Variants in CELF2 observed in about 807,000 individuals in gnomAD.
The protein encoded by CELF2 is CUG triplet repeat RNA-binding protein 2.
Under a neutral mutation model 62.6 loss-of-function variants are expected in CELF2, and 8 were observed. The observed-to-expected ratio is 0.13, with a 90% CI of 0.07 to 0.23. The LOEUF (loss-of-function observed/expected upper bound fraction) is 0.23. Among genes scored for constraint, CELF2 ranks in the 10% least tolerant of loss-of-function variants. The probability of loss-of-function intolerance (pLI) is 1.00; values close to 1 mark genes in which losing one functional copy is unlikely to be tolerated. For synonymous variants in CELF2, 258 were observed against 250.0 expected (o/e 1.03, Z -0.30); for missense variants, 333 against 671.0 (o/e 0.50, Z 5.56).
At chr10:11,186,087 C>T (rs1164056302) in intron 2 of CELF2, among the ~76,000 whole-genome samples, 1 of 151,900 alleles carries the variant, frequency 6.6e-6, no homozygotes, top group East Asian at 1.9e-4. Context: ...GTCCATTTAC[C>T]CTACGTGGTC....
chr10:11,203,334 T>C lies in CELF2; in HGVS notation c.272-14091T>C, dbSNP rs927767104. On this transcript the variant is annotated intron_variant, in intron 2 of 12. Coordinates refer to ENST00000633077, the MANE Select transcript of CELF2 (RefSeq NM_001326342.2). ...GAGAAAGATTCTTGATCAAAGAAGA[T>C]AAATCCTCTTCCTACCTGCTAATGA... Among the ~76,000 whole-genome samples, 5 of 152,332 alleles carry C rather than the reference T, an allele frequency of 3.3e-5. 1 individual carries two copies. The highest frequency in any genetic ancestry group is 1.2e-4 in the African/African-American group (5 of 41,568).
At chr10:10,730,304 C>T in the CELF2 span, among the ~76,000 whole-genome samples, 1 of 152,116 alleles carries the variant, frequency 6.6e-6, no homozygotes, top group Non-Finnish European at 1.5e-5. Context: ...TGGTGAAACC[C>T]TGTCTCTACT....
At chr10:11,099,896 A>C (rs1047774348) in intron 1 of CELF2, among the ~76,000 whole-genome samples, 3 of 141,032 alleles carry the variant, frequency 2.1e-5, no homozygotes, top group East Asian at 1.9e-4. Context: ...AAAAAAAAAA[A>C]AAAAAACAGA....
At chr10:11,099,869 A>G (rs1179714110) in intron 1 of CELF2, among the ~76,000 whole-genome samples, 19 of 143,876 alleles carry the variant, frequency 1.3e-4, no homozygotes, top group Admixed American at 1.3e-3. Context: ...TTCTACATTA[A>G]AACAACAACA....
At chr10:10,944,186 T>C (rs550709027) in intron 2 of CELF2, 3 of 152,808 alleles carry the variant, frequency 2.0e-5, no homozygotes, top group Admixed American at 2.0e-4. Flanking sequence ...GACTTACATA[T>C]AGCTAGATCC....
At position 11,255,804 on chromosome 10, in the gene CELF2, C is replaced by G. The variant is rs2078563732; in HGVS notation, c.404-1934C>G. Among the ~76,000 whole-genome samples, 1 of 152,136 alleles carries G rather than the reference C, an allele frequency of 6.6e-6. No individual in the cohort carries two copies. Among genetic ancestry groups the G allele is most frequent in the African/African-American group, 2.4e-5 (1 of 41,440 alleles). On this transcript the variant is annotated intron_variant, in intron 4 of 12. Transcript: ENST00000633077. The surrounding 1 kb of genome is among the most constrained non-coding windows in gnomAD (Gnocchi z 5.5). ...ATTCCATGGATGACAAAACAGAGGTCCTCAGAGGTCAGCCTATTCTCCAAA... is the reference window on the plus strand; with the variant it reads ...ATTCCATGGATGACAAAACAGAGGTGCTCAGAGGTCAGCCTATTCTCCAAA...
intron 2 of CELF2, among the ~76,000 whole-genome samples, chr10:10,976,412 C>A (rs1203413326): frequency 1.3e-5 from 2 of 152,110 alleles, no homozygotes; most frequent in African/African-American, 4.8e-5. Context: ...TAGACAGAGT[C>A]GTTATCTATC....
chr10:10,475,905 T>A, the CELF2 span, among the ~76,000 whole-genome samples: 1 of 152,120 alleles, frequency 6.6e-6, no homozygotes, highest in Non-Finnish European at 1.5e-5. Flanking sequence ...TGTTTAGCTC[T>A]TTCTTTTGTA....
chr10:11,107,093 C>T (rs866574020), intron 1 of CELF2, among the ~76,000 whole-genome samples: 3 of 152,336 alleles, frequency 2.0e-5, no homozygotes, highest in East Asian at 1.9e-4. Flanking sequence ...ACTAAGGGAG[C>T]TGCGTGGATA....
At chr10:10,536,200 A>T in the CELF2 span, among the ~76,000 whole-genome samples, 652 of 152,056 alleles carry the variant, frequency 4.3e-3, 9 homozygotes, top group African/African-American at 0.015. Flanking sequence ...TTGTATTTTT[A>T]GTAGAGATGG....
intron 1 of CELF2, among the ~76,000 whole-genome samples, chr10:11,074,255 A>G (rs1221600642): frequency 6.6e-6 from 1 of 152,230 alleles, no homozygotes; most frequent in Non-Finnish European, 1.5e-5. Flanking sequence ...TTCAACTATT[A>G]TCCCATGAGG....
the CELF2 span, among the ~76,000 whole-genome samples, chr10:10,729,805 T>C: frequency 1.3e-5 from 2 of 152,098 alleles, no homozygotes; most frequent in African/African-American, 4.8e-5. Flanking sequence ...CTTTTCATCA[T>C]TGTGCCTCCT....
intron 2 of CELF2, among the ~76,000 whole-genome samples, chr10:11,180,050 T>C (rs956900442): frequency 6.6e-6 from 1 of 152,182 alleles, no homozygotes; most frequent in Non-Finnish European, 1.5e-5. Context: ...GTTAGCCTGT[T>C]GGTGCTCCTC....
chr10:11,005,949 T>C lies in CELF2; in HGVS notation c.53+509T>C, dbSNP rs2055176169. Reference sequence around the variant, plus strand: ...TCACTTTATCCTGTTTGCCAAAATGTGTACCCGTTTGGAGACCTCTTTCAT... The same window carrying C: ...TCACTTTATCCTGTTTGCCAAAATGCGTACCCGTTTGGAGACCTCTTTCAT... On this transcript the variant is annotated intron_variant, in intron 1 of 12. Transcript: ENST00000416382. This position sits in a 1 kb window ranked among gnomAD's most constrained non-coding sequence, Gnocchi z 4.3. Among the ~76,000 whole-genome samples the C allele has an allele frequency of 6.6e-6, 1 of 152,214 alleles. No individual in the cohort carries two copies. Among genetic ancestry groups the C allele is most frequent in the Non-Finnish European group, 1.5e-5 (1 of 68,028 alleles).
At chr10:10,716,059 G>A in the CELF2 span, among the ~76,000 whole-genome samples, 892 of 152,288 alleles carry the variant, frequency 5.9e-3, 15 homozygotes, top group African/African-American at 0.02. Flanking sequence ...TGGAAACAAT[G>A]TAGGAGGGAA....
chr10:10,667,585 TC>T, the CELF2 span, among the ~76,000 whole-genome samples: 1 of 152,326 alleles, frequency 6.6e-6, no homozygotes, highest in African/African-American at 2.4e-5. Flanking sequence ...TTCAAAGAGC[TC>T]CTTTATTTTT....
At chr10:10,804,653 C>T (rs1223052054) in intron 1 of CELF2, among the ~76,000 whole-genome samples, 1 of 152,182 alleles carries the variant, frequency 6.6e-6, no homozygotes, top group Non-Finnish European at 1.5e-5. Flanking sequence ...AAAGCTGTAA[C>T]GAACTACACT....
the CELF2 span, among the ~76,000 whole-genome samples, chr10:10,788,566 G>A: frequency 2.8e-5 from 4 of 143,756 alleles, no homozygotes; most frequent in South Asian, 9.3e-4. Context: ...AGATTCAAGC[G>A]ATTCTCCTGC....
the CELF2 span, among the ~76,000 whole-genome samples, chr10:10,606,944 C>T: frequency 6.6e-6 from 1 of 151,866 alleles, no homozygotes; most frequent in African/African-American, 2.4e-5. Flanking sequence ...GTAAGGTTAC[C>T]CTCACCTCAT....
Sources: gnomAD v4.1 joint callset for allele counts (sites outside exome capture counted in the v4.1 genomes callset) on GRCh38, gnomAD v4.1.1 for gene constraint, Gnocchi (gnomAD v3.1) non-coding constraint, MANE v1.5 for transcripts, NCBI Gene and HGNC (gene_info 2026-07-23, HGNC 2026-07-21) for gene names.